The following SP9 variants were observed in gnomAD, a reference collection of about 807,000 sequenced individuals.
SP9 encodes Sp9 transcription factor.
In SP9, 5 loss-of-function variants were observed where a neutral mutation model predicts 23.0. The observed-to-expected ratio is 0.22, with a 90% CI of 0.11 to 0.46. The LOEUF (loss-of-function observed/expected upper bound fraction) is 0.46. Ranked by LOEUF, SP9 falls within the 20% of genes least tolerant of loss-of-function variation. The pLI, the probability that SP9 is intolerant of heterozygous loss-of-function variation, is 0.99. For synonymous variants in SP9, 360 were observed against 356.5 expected, an observed-to-expected ratio of 1.01 and a Z score of -0.11; for missense variants, 542 against 724.0, an observed-to-expected ratio of 0.75 and a Z score of 2.88.
Position 174,334,975 on chromosome 2 carries a change from G to A in SP9, c.-118G>A. 2 of 1,214,010 alleles carry A rather than the reference G, an allele frequency of 1.6e-6. No homozygotes were observed. The highest frequency in any genetic ancestry group is 1.3e-5 in the South Asian group (1 of 75,768). The allele number at this position is 1,214,010 out of a possible 1,614,324, so 75.2% of individuals were successfully genotyped here. The stretch of plus-strand genomic sequence containing the variant: ...GGCTGAGTTTAGCCGGCGGGAGCCT[G>A]GAGTCCGCTCGGCACGAGCGCGGGG... On this transcript the variant is annotated 5_prime_UTR_variant, in exon 1 of 2. Transcript: ENST00000394967.
In SP9 at chr2:174,336,359, G is replaced by T; in HGVS notation, c.274G>T (p.Ala92Ser). The T allele has an allele frequency of 6.7e-7, 1 of 1,497,930 alleles. No homozygotes were observed. The highest frequency in any genetic ancestry group is 8.8e-7 in the Non-Finnish European group (1 of 1,131,598). 92.8% of individuals were successfully genotyped at this position (1,497,930 alleles called of 1,614,324 possible). Reference protein sequence around the residue: ...SGAANSAFCLASTSPTSSAFS... With the variant: ...SGAANSAFCLSSTSPTSSAFS... ...CGCCGCCAACAGCGCCTTCTGCCTG[G>T]CCTCCACGTCGCCCACGTCGTCCGC... The change falls in exon 2 of 2, where the codon GCC (alanine) becomes TCC (serine). Residue 92 changes from alanine to serine, a missense_variant. Around this residue, in one of 8 missense-constraint regions of SP9, gnomAD observed 201 missense variants for 226.3 expected, o/e 0.89. Transcript: ENST00000394967.
chr2:174,335,187 C>T, intron 1 of SP9, 74 bp downstream of exon 1: 3 of 1,487,898 alleles, frequency 2.0e-6, no homozygotes, highest in Non-Finnish European at 2.8e-6. Flanking sequence ...CTGGGGTCTG[C>T]GGCTCCGGAG....
chr2:174,337,490 G>A lies in SP9; in HGVS notation c.1405G>A (p.Ala469Thr). 1 of 1,199,872 alleles carries A rather than the reference G, an allele frequency of 8.3e-7. No homozygotes were observed. The highest frequency in any genetic ancestry group is 1.0e-6 in the Non-Finnish European group (1 of 963,156). 74.3% of individuals were successfully genotyped at this position (1,199,872 alleles called of 1,614,324 possible). Residue 469 changes from alanine (A) to threonine (T), a missense_variant, in exon 2 of 2, where the codon GCG (alanine) becomes ACG (threonine). Physicochemically the swap from Ala to Thr is moderately conservative, Grantham distance 58 (BLOSUM62 0). Around this residue, in one of 8 missense-constraint regions of SP9, gnomAD observed 55 missense variants for 56.1 expected, o/e 0.98. Transcript: ENST00000394967. ...GGCGGCAGCGGCGGCGGCGGCGGCG[G>A]CGGCCTCCGCGGGAGGCAAGGAAGC... ...AAAAAAAAAA[A>T]ASAGGKEAAS...
rs970973365 is a variant in SP9, at chr2:174,336,139, C to A, written c.54C>A (p.Ala18=). The change falls in exon 2 of 2, where the codon GCC becomes GCA. Residue 18 remains alanine (A), a synonymous_variant. Coordinates refer to ENST00000394967, the MANE Select transcript of SP9 (RefSeq NM_001145250.2). The part of the protein sequence containing the change: ...EEPRFGTTPL[A]MLAATCNKIG... ...CGCGCTTCGGAACGACCCCGTTGGC[C>A]ATGCTGGCGGCGACCTGCAACAAGA... 1.4e-5 allele frequency: 22 copies of A among 1,551,088 alleles called. No individual in the cohort carries two copies. Among genetic ancestry groups the A allele is most frequent in the Non-Finnish European group, 1.7e-5 (20 of 1,146,696 alleles).
rs1684383627 is a variant in SP9, at chr2:174,335,101, G to T, written c.9G>T (p.Thr3=). Residue 3 remains threonine (T), a synonymous_variant, in exon 1 of 2, where the codon ACG becomes ACT. Transcript: ENST00000394967. MA[T]SILGEEPRFG... is the part of the protein sequence containing the mutation. ...GCAGCCAGAGACCTGCTATGGCCACGTCTATACTCGGGGTAAGTCGCAAGC... is the reference window on the plus strand; with the variant it reads ...GCAGCCAGAGACCTGCTATGGCCACTTCTATACTCGGGGTAAGTCGCAAGC... 1 of 1,551,640 alleles carries T rather than the reference G, an allele frequency of 6.4e-7. No individual in the cohort carries two copies. Among genetic ancestry groups the T allele is most frequent in the Non-Finnish European group, 8.7e-7 (1 of 1,146,992 alleles).
At position 174,334,980 on chromosome 2, in the gene SP9, C is replaced by T. The variant is rs1684380703; in HGVS notation, c.-113C>T. On this transcript the variant is annotated 5_prime_UTR_variant, in exon 1 of 2. Transcript: ENST00000394967. ...AGTTTAGCCGGCGGGAGCCTGGAGT[C>T]CGCTCGGCACGAGCGCGGGGACGCG... The T allele has an allele frequency of 2.3e-6, 3 of 1,282,638 alleles. No homozygotes were observed. The highest frequency in any genetic ancestry group is 2.6e-5 in the South Asian group (2 of 77,396). The allele number at this position is 1,282,638 out of a possible 1,614,324, so 79.5% of individuals were successfully genotyped here.
chr2:174,335,085 G>C lies in SP9; in HGVS notation c.-8G>C. On this transcript the variant is annotated 5_prime_UTR_variant, in exon 1 of 2. Transcript: ENST00000394967. Reference sequence around the variant, plus strand: ...CTCCCAGCCTCGCTGCGCAGCCAGAGACCTGCTATGGCCACGTCTATACTC... The same window carrying C: ...CTCCCAGCCTCGCTGCGCAGCCAGACACCTGCTATGGCCACGTCTATACTC... 6.4e-7 allele frequency: 1 copy of C among 1,551,690 alleles called. No homozygotes were observed. The highest frequency in any genetic ancestry group is 1.2e-5 in the South Asian group (1 of 84,066).
intron 1 of SP9, 143 bp from the exon 2 acceptor site, chr2:174,335,963 TG>T: frequency 1.4e-6 from 1 of 733,846 alleles, no homozygotes; most frequent in Non-Finnish European, 2.2e-6. Flanking sequence ...CGCGGGCGCG[TG>T]GGGAGGAGGC....
At chr2:174,335,139 T>G in intron 1 of SP9, 26 bp downstream of exon 1, 5 of 1,551,688 alleles carry the variant, frequency 3.2e-6, no homozygotes, top group Non-Finnish European at 4.4e-6. Context: ...GGCAACGCAT[T>G]TGCTTGTTTT....
chr2:174,335,342 C>CA lies in SP9; in HGVS notation c.21+237dup, dbSNP rs974158771. The CA allele has an allele frequency of 2.1e-4, 115 of 538,556 alleles. 1 individual carries two copies. The highest frequency in any genetic ancestry group is 6.1e-4 in the South Asian group (22 of 36,186). 33.4% of individuals were successfully genotyped at this position (538,556 alleles called of 1,614,324 possible). ...AATCAAGTCCTTTTTCATTTGGTTT[C>CA]AAAAAAAAGCTAGAGGTTTCTTTTC... On this transcript the variant is annotated intron_variant, in intron 1 of 1. Coordinates refer to ENST00000394967, the MANE Select transcript of SP9 (RefSeq NM_001145250.2).
chr2:174,335,588 G>A (rs1165800057), intron 1 of SP9: 1 of 175,068 alleles, frequency 5.7e-6, no homozygotes, highest in Non-Finnish European at 1.2e-5. Context: ...CGCTGTTTTT[G>A]TGTGTATGTA....
chr2:174,337,037 C>A lies in SP9; in HGVS notation c.952C>A (p.Arg318=). 3 of 1,520,838 alleles carry A rather than the reference C, an allele frequency of 2.0e-6. No individual in the cohort carries two copies. The highest frequency in any genetic ancestry group is 2.6e-6 in the Non-Finnish European group (3 of 1,139,504). 94.2% of individuals were successfully genotyped at this position (1,520,838 alleles called of 1,614,324 possible). A position where few individuals can be genotyped will look rare whatever the true frequency, so the allele number is the denominator to read the frequency against. ...CTGCCCCAACTGCCAGGAGGCGGAG[C>A]GGCTGGGCCCGGCCGGGGCGAGCCT... ...CDCPNCQEAE[R]LGPAGASLRR... The change falls in exon 2 of 2, where the codon CGG becomes AGG. Residue 318 remains arginine, a synonymous_variant. Transcript: ENST00000394967.
chr2:174,337,397 T>C lies in SP9; in HGVS notation c.1312T>C (p.Ser438Pro). 6.5e-7 allele frequency: 1 copy of C among 1,548,170 alleles called. No individual in the cohort carries two copies. The highest frequency in any genetic ancestry group is 1.2e-5 in the South Asian group (1 of 83,870). Reference sequence around the variant, plus strand: ...CGCCAGCAACCTGGAGACGCCCCGTTCCGAATCCCCCGACCTCATCCTGCA... The same window carrying C: ...CGCCAGCAACCTGGAGACGCCCCGTCCCGAATCCCCCGACCTCATCCTGCA... ...TDASNLETPR[S>P]ESPDLILHDS... Residue 438 changes from serine (S) to proline (P), a missense_variant, in exon 2 of 2, where the codon TCC (serine) becomes CCC (proline). Ser to Pro is a moderately conservative substitution (Grantham distance 74, BLOSUM62 -1). Transcript: ENST00000394967.
At chr2:174,335,372 C>T in intron 1 of SP9, 1 of 512,560 alleles carries the variant, frequency 2.0e-6, no homozygotes, top group South Asian at 2.9e-5. Context: ...CTTTTCTTCC[C>T]CTCGTGATTT....
intron 1 of SP9, 95 bp downstream of exon 1, chr2:174,335,208 T>C: frequency 3.7e-6 from 5 of 1,355,772 alleles, no homozygotes; most frequent in Non-Finnish European, 5.2e-6. Context: ...AAACTGTTGC[T>C]GCTAGACTGC....
chr2:174,336,007 G>GCC, intron 1 of SP9, 100 bp from the exon 2 acceptor site: 2 of 1,168,248 alleles, frequency 1.7e-6, no homozygotes, highest in East Asian at 5.7e-5. Flanking sequence ...CCCGGGAGCA[G>GCC]CCGCAGGGGA....
In SP9 at chr2:174,338,398, C is replaced by T. The variant is rs975770589; in HGVS notation, c.*858C>T. 2 of 152,078 alleles carry T rather than the reference C, an allele frequency of 1.3e-5. No homozygotes were observed. Among genetic ancestry groups the T allele is most frequent in the African/African-American group, 2.4e-5 (1 of 41,406 alleles). The allele number at this position is 152,078 out of a possible 1,614,324, so 9.4% of individuals were successfully genotyped here. ...TGAGTTATCATTTCACTCACAAACA[C>T]GTAAGTTAAGGTCATCTAAAGAAAT... is the stretch of plus-strand genomic sequence containing the variant. On this transcript the variant is annotated 3_prime_UTR_variant, in exon 2 of 2. Coordinates refer to ENST00000394967, the MANE Select transcript of SP9 (RefSeq NM_001145250.2).
chr2:174,335,201 C>A, intron 1 of SP9, 88 bp downstream of exon 1: 1 of 1,402,102 alleles, frequency 7.1e-7, no homozygotes, highest in Non-Finnish European at 9.9e-7. Flanking sequence ...TCCGGAGAAA[C>A]TGTTGCTGCT....
Position 174,334,985 on chromosome 2 carries a change from C to T in SP9, c.-108C>T, listed in dbSNP as rs568168689. The T allele has an allele frequency of 1.8e-5, 24 of 1,343,604 alleles. No homozygotes were observed. The Admixed American group carries it at 2.3e-4, about 13-fold the overall frequency. 83.2% of individuals were successfully genotyped at this position (1,343,604 alleles called of 1,614,324 possible). A position where few individuals can be genotyped will look rare whatever the true frequency, so the allele number is the denominator to read the frequency against. ...AGCCGGCGGGAGCCTGGAGTCCGCT[C>T]GGCACGAGCGCGGGGACGCGGGAGC... On this transcript the variant is annotated 5_prime_UTR_variant, in exon 1 of 2. Transcript: ENST00000394967.
Sources: gnomAD v4.1 joint callset for allele counts on GRCh38, gnomAD v4.1.1 for gene constraint, gnomAD v4.1.1 regional missense constraint, MANE v1.5 for transcripts, NCBI Gene and HGNC (gene_info 2026-07-23, HGNC 2026-07-21) for gene names.